SLC38A8: variants seen among roughly 807,000 people sequenced by gnomAD.
SLC38A8 encodes amino acid transporter SLC38A8.
SLC38A8 carries 65 observed loss-of-function variants against 46.0 expected under a neutral mutation model. The observed-to-expected ratio is 1.41, with a 90% confidence interval of 1.16 to 1.74. The LOEUF (loss-of-function observed/expected upper bound fraction) is 1.74, where lower values mean the gene tolerates loss of function less well. Ranked by LOEUF, SLC38A8 falls within the 40% of genes most tolerant of loss-of-function variation. The pLI, the probability that SLC38A8 is intolerant of heterozygous loss-of-function variation, is 0.00. For synonymous variants in SLC38A8, 447 were observed against 243.7 expected (o/e 1.83, Z -7.77); for missense variants, 998 against 567.9 (o/e 1.76, Z -7.70).
rs781252563 is a variant in SLC38A8, at chr16:84,016,600, T to C, written c.1081A>G (p.Met361Val). Residue 361 changes from methionine to valine, a missense_variant, in exon 9 of 11, where the codon ATG becomes GTG. By Grantham distance (21) the Met-to-Val change is conservative. Transcript: ENST00000299709. Reference protein sequence around the residue: ...TILWVTVTLAMALFMPDLSEI... With the variant: ...TILWVTVTLAVALFMPDLSEI... ...CTGAGGTCAGGCATAAACAGCGCCA[T>C]GGCGAGCGTCACGGTGACCCACAGG... 8.7e-6 allele frequency: 14 copies of C among 1,613,930 alleles called. No homozygotes were observed. Among genetic ancestry groups the C allele is most frequent in the Admixed American group, 5.0e-5 (3 of 60,000 alleles).
At chr16:84,033,530 C>A in intron 3 of SLC38A8, 61 bp from the exon 4 acceptor site, 2 of 1,505,976 alleles carry the variant, frequency 1.3e-6, no homozygotes, top group Non-Finnish European at 1.8e-6. Context: ...TCTCGGCTCC[C>A]ACCTGGCCCT....
At chr16:84,039,497 C>T (rs1174508268) in intron 2 of SLC38A8, among the ~76,000 whole-genome samples, 3 of 152,138 alleles carry the variant, frequency 2.0e-5, no homozygotes, top group South Asian at 2.1e-4. Flanking sequence ...GTAATCCCAG[C>T]ACTTTGGGAG....
intron 2 of SLC38A8, chr16:84,040,146 G>A (rs1006991048): frequency 6.6e-6 from 1 of 152,250 alleles, no homozygotes; most frequent in African/African-American, 2.4e-5. Context: ...CACCAGCTAA[G>A]TGGAGGATAG....
At chr16:84,022,289 C>T (rs2085104398) in intron 7 of SLC38A8, among the ~76,000 whole-genome samples, 1 of 152,204 alleles carries the variant, frequency 6.6e-6, no homozygotes, top group South Asian at 2.1e-4. Context: ...TTCCAATGCA[C>T]TGTACGATCC....
chr16:84,011,197 G>A (rs574238358), intron 10 of SLC38A8, among the ~76,000 whole-genome samples: 1 of 152,340 alleles, frequency 6.6e-6, no homozygotes, highest in South Asian at 2.1e-4. Flanking sequence ...GGCACTCCTG[G>A]AGCAGCGCTG....
chr16:84,022,726 T>C (rs752479042), intron 7 of SLC38A8, 49 bp downstream of exon 7: 1 of 1,456,824 alleles, frequency 6.9e-7, no homozygotes. Context: ...TACTCTTGTT[T>C]CTACTGTCAC....
At chr16:84,029,982 C>T (rs1490102021) in intron 5 of SLC38A8, among the ~76,000 whole-genome samples, 2 of 152,154 alleles carry the variant, frequency 1.3e-5, no homozygotes, top group Non-Finnish European at 2.9e-5. Flanking sequence ...GTGGGGAGAA[C>T]CTCCAGGTCC....
In SLC38A8 at chr16:84,029,535, A is replaced by C. The variant is rs759941553; in HGVS notation, c.649T>G (p.Ser217Ala). 21 of 1,613,998 alleles carry C rather than the reference A, an allele frequency of 1.3e-5. No individual in the cohort carries two copies. Among genetic ancestry groups the C allele is most frequent in the Non-Finnish European group, 1.5e-5 (18 of 1,179,996 alleles). ...ATGGTGGGGAAGACACTGAACACAG[A>C]GGTCCAGGAGGCAGGGCTGTAAACA... ...HPSLSPASWTSVFSVFPTICF... is the reference protein window; with the variant it reads ...HPSLSPASWTAVFSVFPTICF... The change falls in exon 6 of 11, where the codon TCT becomes GCT. Residue 217 changes from serine (S) to alanine (A), a missense_variant. Transcript: ENST00000299709.
chr16:84,029,549 G>GGGCT lies in SLC38A8; in HGVS notation c.633-2_634dup (p.Pro212GlnfsTer73). On this transcript the variant is annotated frameshift_variant and splice_region_variant, in exon 6 of 11. Transcript: ENST00000299709. LOFTEE classifies it high-confidence loss of function. ...ACTGAACACAGAGGTCCAGGAGGCA[G>GGGCT]GGCTGTAAACAGACAAGAACAGGAG... 2 of 1,614,088 alleles carry GGGCT rather than the reference G, an allele frequency of 1.2e-6. No individual in the cohort carries two copies. The highest frequency in any genetic ancestry group is 2.7e-5 in the African/African-American group (2 of 75,064).
chr16:84,029,212 C>A (rs1317229751), intron 6 of SLC38A8, among the ~76,000 whole-genome samples: 1 of 152,156 alleles, frequency 6.6e-6, no homozygotes, highest in Admixed American at 6.5e-5. Flanking sequence ...TCCCCACACT[C>A]TACGCGAAAC....
At chr16:84,028,443 G>C (rs542802651) in intron 6 of SLC38A8, among the ~76,000 whole-genome samples, 1 of 151,894 alleles carries the variant, frequency 6.6e-6, no homozygotes, top group Non-Finnish European at 1.5e-5. Context: ...AAATTAGCCA[G>C]GCATGGTGGT....
intron 6 of SLC38A8, among the ~76,000 whole-genome samples, chr16:84,026,188 C>A (rs948119827): frequency 2.0e-5 from 3 of 152,232 alleles, no homozygotes; most frequent in Non-Finnish European, 4.4e-5. Context: ...GAGGGTGCCT[C>A]CTTTTCTCCC....
intron 5 of SLC38A8, 46 bp downstream of exon 5, chr16:84,031,821 C>T (rs778876468): frequency 7.2e-5 from 111 of 1,532,438 alleles, no homozygotes; most frequent in Non-Finnish European, 9.4e-5. Flanking sequence ...ACTCCCCTGC[C>T]GTGCCTCCCC....
At position 84,016,506 on chromosome 16, in the gene SLC38A8, G is replaced by A. The variant is rs146110824; in HGVS notation, c.1162+13C>T. 2.8e-5 allele frequency: 45 copies of A among 1,612,112 alleles called. No individual in the cohort carries two copies. In the African/African-American group the frequency reaches 4.5e-4, roughly 16 times the overall value. ...AACAAGTGGGCAGAAAGCCTGGAAA[G>A]CAGGGGCCTCACCTGGGAAGATGAA... is the stretch of plus-strand genomic sequence containing the variant. On this transcript the variant is annotated intron_variant, in intron 9 of 10. Coordinates refer to ENST00000299709, the MANE Select transcript of SLC38A8 (RefSeq NM_001080442.3).
intron 10 of SLC38A8, among the ~76,000 whole-genome samples, 154 bp from the exon 11 acceptor site, chr16:84,010,031 G>C (rs1408968327): frequency 2.6e-5 from 4 of 151,386 alleles, no homozygotes; most frequent in African/African-American, 9.7e-5. Context: ...TGTAGGGATG[G>C]GTTTCCAAGA....
chr16:84,011,154 G>A (rs188634354), intron 10 of SLC38A8, among the ~76,000 whole-genome samples: 7 of 152,314 alleles, frequency 4.6e-5, no homozygotes, highest in East Asian at 3.9e-4. Flanking sequence ...TCATCTGTGC[G>A]GGGACTGTGA....
At chr16:84,021,038 G>A (rs779688281) in intron 7 of SLC38A8, among the ~76,000 whole-genome samples, 5 of 151,996 alleles carry the variant, frequency 3.3e-5, no homozygotes, top group South Asian at 2.1e-4. Flanking sequence ...TATCTCTTCC[G>A]CCAGATACCC....
intron 9 of SLC38A8, among the ~76,000 whole-genome samples, chr16:84,015,703 G>C (rs2085017175): frequency 6.6e-6 from 1 of 152,252 alleles, no homozygotes; most frequent in Non-Finnish European, 1.5e-5. Context: ...CCAGGGACTA[G>C]GTAATGGTTT....
At chr16:84,012,904 G>T in intron 10 of SLC38A8, 97 bp downstream of exon 10, 2 of 1,322,930 alleles carry the variant, frequency 1.5e-6, no homozygotes, top group Admixed American at 1.9e-5. Flanking sequence ...CCTGCAGGAT[G>T]CAGAGGATGA....
Sources: gnomAD v4.1 joint callset for allele counts (sites outside exome capture counted in the v4.1 genomes callset) on GRCh38, gnomAD v4.1.1 for gene constraint, MANE v1.5 for transcripts, NCBI Gene and HGNC (gene_info 2026-07-23, HGNC 2026-07-21) for gene names.